The following CSMD1 variants were observed in gnomAD, a reference collection of about 807,000 sequenced individuals.
The protein encoded by CSMD1 is CUB and sushi domain-containing protein 1.
Under a neutral mutation model 417.5 loss-of-function variants are expected in CSMD1, and 213 were observed. That is an observed-to-expected ratio of 0.51 (90% CI 0.46 to 0.57). CSMD1 has a LOEUF of 0.57. Among genes scored for constraint, CSMD1 ranks in the 20% least tolerant of loss-of-function variants. CSMD1 has a pLI of 0.00. For missense variants in CSMD1, 6,923 were observed against 4,529.7 expected (o/e 1.53, Z -15.17); for synonymous variants, 2,862 against 1,736.8 (o/e 1.65, Z -16.11).
chr8:4,372,990 A>T (rs942488716), intron 3 of CSMD1, among the ~76,000 whole-genome samples: 1 of 152,324 alleles, frequency 6.6e-6, no homozygotes, highest in African/African-American at 2.4e-5. Flanking sequence ...GTGACTTCAC[A>T]CTGGACAGCC....
chr8:4,110,372 T>C (rs962220775), intron 3 of CSMD1, among the ~76,000 whole-genome samples: 4 of 152,254 alleles, frequency 2.6e-5, no homozygotes, highest in African/African-American at 9.6e-5. Flanking sequence ...GTTTTTAATC[T>C]AAGGGAAAAG....
At chr8:4,118,658 T>C (rs1247253863) in intron 3 of CSMD1, among the ~76,000 whole-genome samples, 2 of 152,214 alleles carry the variant, frequency 1.3e-5, no homozygotes, top group Non-Finnish European at 2.9e-5. Flanking sequence ...TGTAAATTAG[T>C]TCAACCATTG....
At chr8:4,773,859 A>T (rs1796716230) in intron 1 of CSMD1, among the ~76,000 whole-genome samples, 1 of 152,132 alleles carries the variant, frequency 6.6e-6, no homozygotes, top group Admixed American at 6.6e-5. Flanking sequence ...TACTTTTGAA[A>T]CTCACCAGTG....
At chr8:4,121,056 T>C (rs1342638378) in intron 3 of CSMD1, among the ~76,000 whole-genome samples, 1 of 152,106 alleles carries the variant, frequency 6.6e-6, no homozygotes, top group African/African-American at 2.4e-5. Flanking sequence ...AGGAGTTTCT[T>C]TTCTGACTGG....
intron 2 of CSMD1, among the ~76,000 whole-genome samples, chr8:4,583,929 G>C (rs555832858): frequency 9.2e-5 from 14 of 152,156 alleles, no homozygotes; most frequent in African/African-American, 3.4e-4. Context: ...TTTATGAGCT[G>C]TAACACTCAC....
At chr8:4,077,309 A>ATGTG (rs1554439919) in intron 3 of CSMD1, among the ~76,000 whole-genome samples, 3 of 145,574 alleles carry the variant, frequency 2.1e-5, no homozygotes, top group African/African-American at 7.7e-5. Context: ...ATATATATAT[A>ATGTG]TATATATATA....
intron 3 of CSMD1, among the ~76,000 whole-genome samples, chr8:4,370,371 G>C (rs780469586): frequency 6.6e-6 from 1 of 152,150 alleles, no homozygotes; most frequent in African/African-American, 2.4e-5. Flanking sequence ...CTGCTTTCAA[G>C]ATTTTTTCTT....
chr8:4,463,561 G>C (rs1332285185), intron 2 of CSMD1, among the ~76,000 whole-genome samples: 1 of 152,026 alleles, frequency 6.6e-6, no homozygotes, highest in African/African-American at 2.4e-5. Flanking sequence ...ATATTAAATA[G>C]GATCCAGAAA....
intron 29 of CSMD1, among the ~76,000 whole-genome samples, chr8:3,216,166 G>C (rs1797869965): frequency 6.6e-6 from 1 of 151,526 alleles, no homozygotes; most frequent in African/African-American, 2.4e-5. Flanking sequence ...TAATTGCTTT[G>C]TTGAAAAGCT....
chr8:4,214,633 T>C (rs1444499399), intron 3 of CSMD1, among the ~76,000 whole-genome samples: 1 of 152,136 alleles, frequency 6.6e-6, no homozygotes, highest in African/African-American at 2.4e-5. Flanking sequence ...ACACTGAGTA[T>C]GTATTTGCAT....
At chr8:3,294,679 A>T (rs748988832) in intron 25 of CSMD1, among the ~76,000 whole-genome samples, 20 of 152,172 alleles carry the variant, frequency 1.3e-4, no homozygotes, top group Non-Finnish European at 2.8e-4. Context: ...AAGCAAGCCC[A>T]GTATTAGGGT....
Position 3,387,551 on chromosome 8 carries a change from C to G in CSMD1, c.2725G>C (p.Glu909Gln). ...TGGTTCCTCTCACAGACGAGGGGCTCGTCGTCACTTAGTGTGTACCCCGGG... is the reference window on the plus strand; with the variant it reads ...TGGTTCCTCTCACAGACGAGGGGCTGGTCGTCACTTAGTGTGTACCCCGGG... ...CDPGYTLSDD[E>Q]PLVCERNHQW... is the part of the protein sequence containing the mutation. Residue 909 changes from glutamate to glutamine, a missense_variant, in exon 18 of 70, where the codon GAG becomes CAG. Transcript: ENST00000635120. 1 of 1,601,732 alleles carries G rather than the reference C, an allele frequency of 6.2e-7. No homozygotes were observed. The highest frequency in any genetic ancestry group is 8.5e-7 in the Non-Finnish European group (1 of 1,174,086).
In CSMD1 at chr8:3,939,047, T is replaced by C. The variant is rs538087764; in HGVS notation, c.818+58856A>G. Among the ~76,000 whole-genome samples, 5 of 152,200 alleles carry C rather than the reference T, an allele frequency of 3.3e-5. No homozygotes were observed. The East Asian group carries it at 9.7e-4, about 29-fold the overall frequency. On this transcript the variant is annotated intron_variant, in intron 5 of 69. Coordinates refer to ENST00000635120, the MANE Select transcript of CSMD1 (RefSeq NM_033225.6). ...ATGGATTTTTATTCCATCATAGTAATTATTGAGCCAACAGTCTGACAGAAT... is the reference window on the plus strand; with the variant it reads ...ATGGATTTTTATTCCATCATAGTAACTATTGAGCCAACAGTCTGACAGAAT...
chr8:3,808,848 C>A (rs149428047), intron 5 of CSMD1, among the ~76,000 whole-genome samples: 4 of 152,152 alleles, frequency 2.6e-5, no homozygotes, highest in South Asian at 4.1e-4. Flanking sequence ...CAAAGGAAAG[C>A]GCAGCCCTTA....
intron 3 of CSMD1, among the ~76,000 whole-genome samples, chr8:4,281,504 G>A (rs1341502903): frequency 3.3e-5 from 5 of 152,158 alleles, no homozygotes; most frequent in African/African-American, 1.2e-4. Flanking sequence ...AAGTTTTACT[G>A]AAATATCTTA....
chr8:3,120,753 A>C (rs1233710776), intron 41 of CSMD1, among the ~76,000 whole-genome samples: 3 of 152,092 alleles, frequency 2.0e-5, no homozygotes, highest in Non-Finnish European at 2.9e-5. Flanking sequence ...AGGCTGAGGC[A>C]GAAGAATCGC....
In CSMD1 at chr8:4,084,832, G is replaced by A. The variant is rs538993208; in HGVS notation, c.416-52733C>T. On this transcript the variant is annotated intron_variant, in intron 3 of 69. Coordinates refer to ENST00000635120, the MANE Select transcript of CSMD1 (RefSeq NM_033225.6). The stretch of plus-strand genomic sequence containing the variant: ...AATTCCAGTGCCTCAAGACAGCTCT[G>A]TTCCATCTTGAAGAAGAATGACAAA... Among the ~76,000 whole-genome samples, 9 of 147,980 alleles carry A rather than the reference G, an allele frequency of 6.1e-5. No homozygotes were observed. In the South Asian group the frequency reaches 1.9e-3, roughly 31 times the overall value.
chr8:4,705,136 G>T (rs890897862), intron 1 of CSMD1, among the ~76,000 whole-genome samples: 3 of 152,046 alleles, frequency 2.0e-5, no homozygotes, highest in Non-Finnish European at 4.4e-5. Context: ...CTGCCACCTT[G>T]TGAAGAAGGT....
At chr8:3,348,368 T>C (rs1375132177) in intron 21 of CSMD1, among the ~76,000 whole-genome samples, 2 of 152,170 alleles carry the variant, frequency 1.3e-5, no homozygotes, top group East Asian at 1.9e-4. Context: ...ATTTTGAAAA[T>C]TGTCTTATTA....
Sources: gnomAD v4.1 joint callset for allele counts (sites outside exome capture counted in the v4.1 genomes callset) on GRCh38, gnomAD v4.1.1 for gene constraint, MANE v1.5 for transcripts, NCBI Gene and HGNC (gene_info 2026-07-23, HGNC 2026-07-21) for gene names.